Variants in DIPK1A observed in about 807,000 individuals in gnomAD.
DIPK1A encodes the protein family with sequence similarity 69 member A.
A neutral mutation model predicts 40.8 loss-of-function variants in DIPK1A; 27 were observed. The observed-to-expected ratio is 0.66, with a 90% CI of 0.49 to 0.91. The LOEUF is 0.91. DIPK1A is among the 40% of genes least tolerant of loss of function. DIPK1A has a pLI of 0.00. For missense variants in DIPK1A, 412 were observed against 505.7 expected (o/e 0.81, Z 1.78); for synonymous variants, 166 against 171.3 (o/e 0.97, Z 0.24).
At chr1:92,917,771 C>T (rs1650110947) in intron 1 of DIPK1A, among the ~76,000 whole-genome samples, 1 of 152,088 alleles carries the variant, frequency 6.6e-6, no homozygotes. Context: ...ACTAGTGGAG[C>T]AAGGAGAAGG....
At chr1:92,897,990 T>G (rs997344709) in intron 1 of DIPK1A, among the ~76,000 whole-genome samples, 9 of 152,068 alleles carry the variant, frequency 5.9e-5, no homozygotes, top group Admixed American at 1.3e-4. Flanking sequence ...TCTCAGCTAC[T>G]TGGGAGGCTG....
At chr1:92,884,465 C>CAA (rs112400053) in intron 1 of DIPK1A, among the ~76,000 whole-genome samples, 81 of 148,324 alleles carry the variant, frequency 5.5e-4, no homozygotes, top group African/African-American at 1.9e-3. Flanking sequence ...AACAAACAAA[C>CAA]AAAAAAAAAC....
intron 1 of DIPK1A, among the ~76,000 whole-genome samples, chr1:92,946,693 C>T (rs780245137): frequency 6.6e-6 from 1 of 152,116 alleles, no homozygotes; most frequent in Non-Finnish European, 1.5e-5. Context: ...CCTGTAGTCC[C>T]AGTACTTTGG....
Position 92,938,994 on chromosome 1 carries a change from G to A in DIPK1A, c.54+22382C>T, listed in dbSNP as rs527246762. 5.3e-5 allele frequency among the ~76,000 whole-genome samples: 8 copies of A among 151,962 alleles called. 1 individual carries two copies. In the South Asian group the frequency reaches 1.2e-3, roughly 24 times the overall value. ...CGGCTCACTGCAACCTCTGCATCTC[G>A]GATTTAAGTGATTCTCCTGCCTCAG... On this transcript the variant is annotated intron_variant, in intron 1 of 4. Coordinates refer to ENST00000370310, the MANE Select transcript of DIPK1A (RefSeq NM_001006605.5).
At chr1:92,961,345 G>T in intron 1 of DIPK1A, 31 bp downstream of exon 1, 1 of 1,480,618 alleles carries the variant, frequency 6.8e-7, no homozygotes. Context: ...GGGTGCTCCC[G>T]CAGCTGGTGG....
chr1:92,892,441 C>G (rs1444173516), intron 1 of DIPK1A, among the ~76,000 whole-genome samples: 1 of 152,072 alleles, frequency 6.6e-6, no homozygotes, highest in Non-Finnish European at 1.5e-5. Context: ...GCTGAGGGTC[C>G]TAACTGTTAG....
chr1:92,837,269 C>T (rs766641929), downstream of DIPK1A: 4 of 770,324 alleles, frequency 5.2e-6, no homozygotes, highest in Middle Eastern at 2.3e-4. Flanking sequence ...CTTTTCTGTC[C>T]TGGAATTCAG....
intron 1 of DIPK1A, among the ~76,000 whole-genome samples, chr1:92,883,080 C>G (rs569485755): frequency 6.6e-6 from 1 of 152,284 alleles, no homozygotes; most frequent in Admixed American, 6.5e-5. Flanking sequence ...CTGGCAAAAG[C>G]TGAAGACTAT....
At chr1:92,907,409 T>C (rs1411409514) in intron 1 of DIPK1A, among the ~76,000 whole-genome samples, 2 of 152,096 alleles carry the variant, frequency 1.3e-5, no homozygotes, top group Non-Finnish European at 2.9e-5. Flanking sequence ...TCTAGGAAGA[T>C]GGAAATGTTC....
chr1:92,900,867 C>G (rs1557476931), intron 1 of DIPK1A, among the ~76,000 whole-genome samples: 1 of 151,950 alleles, frequency 6.6e-6, no homozygotes, highest in Non-Finnish European at 1.5e-5. Context: ...CTTCAGCTTT[C>G]CTTGCTTTTT....
At chr1:92,927,190 G>A (rs915829926) in intron 1 of DIPK1A, among the ~76,000 whole-genome samples, 1 of 151,920 alleles carries the variant, frequency 6.6e-6, no homozygotes, top group South Asian at 2.1e-4. Flanking sequence ...TTTTGTTGTT[G>A]TTGTTGTTTT....
intron 1 of DIPK1A, among the ~76,000 whole-genome samples, chr1:92,934,867 A>G (rs1470477370): frequency 6.6e-6 from 1 of 152,168 alleles, no homozygotes; most frequent in African/African-American, 2.4e-5. Flanking sequence ...ATGGACAACA[A>G]TGGAAGTTCT....
downstream of DIPK1A, among the ~76,000 whole-genome samples, chr1:92,838,111 C>A (rs1687197746): frequency 6.6e-6 from 1 of 152,180 alleles, no homozygotes. Context: ...CAGATGAGAG[C>A]CATTCCTGAC....
At chr1:92,945,307 A>T (rs1651318104) in intron 1 of DIPK1A, among the ~76,000 whole-genome samples, 1 of 152,190 alleles carries the variant, frequency 6.6e-6, no homozygotes, top group Admixed American at 6.5e-5. Flanking sequence ...AAAAGGAAGG[A>T]AAAAAGACAA....
intron 2 of DIPK1A, among the ~76,000 whole-genome samples, chr1:92,870,151 A>G (rs1280225969): frequency 6.6e-6 from 1 of 152,074 alleles, no homozygotes; most frequent in Non-Finnish European, 1.5e-5. Flanking sequence ...AAGAATTTGC[A>G]TATTTGCATA....
rs1157142089 is a variant in DIPK1A, at chr1:92,959,903, C to CTTTTTTTTTTTTT, written c.54+1460_54+1472dup. On this transcript the variant is annotated intron_variant, in intron 1 of 4. Coordinates refer to ENST00000370310, the MANE Select transcript of DIPK1A (RefSeq NM_001006605.5). ...GCTGGGACCACAGGCACCCAACCAA[C>CTTTTTTTTTTTTT]TTTTTTTTTTTTTTTTTTTTTTTTG... is the stretch of plus-strand genomic sequence containing the variant. 4.3e-3 allele frequency among the ~76,000 whole-genome samples: 208 copies of CTTTTTTTTTTTTT among 47,856 alleles called. 14 individuals carry two copies. Among genetic ancestry groups the CTTTTTTTTTTTTT allele is most frequent in the African/African-American group, 0.015 (136 of 9,066 alleles). The allele number at this position is 47,856 out of a possible 152,430, so 31.4% of individuals were successfully genotyped here.
intron 2 of DIPK1A, among the ~76,000 whole-genome samples, chr1:92,867,212 A>G (rs1055206106): frequency 7.5e-6 from 1 of 133,638 alleles, no homozygotes; most frequent in African/African-American, 2.8e-5. Flanking sequence ...TTTTACTCCA[A>G]TTCTTTTTTT....
In DIPK1A at chr1:92,834,077, CAG is replaced by C. The variant is rs1687022229; in HGVS notation, c.475-1045_475-1044del. The C allele has an allele frequency of 6.6e-5, 17 of 257,326 alleles. No homozygotes were observed. The South Asian group carries it at 8.0e-4, about 12-fold the overall frequency. The allele number at this position is 257,326 out of a possible 1,614,324, so 15.9% of individuals were successfully genotyped here. Reference sequence around the variant, plus strand: ...ACACCCAGCCCTCCAACCTAGGTGACAGAGCAAGACACTGAAACCTAGTTTAT... The same window carrying C: ...ACACCCAGCCCTCCAACCTAGGTGACAGCAAGACACTGAAACCTAGTTTAT... On this transcript the variant is annotated intron_variant, in intron 4 of 4. Transcript: ENST00000615519.
chr1:92,957,592 T>C (rs1333226883), intron 1 of DIPK1A, among the ~76,000 whole-genome samples: 1 of 152,182 alleles, frequency 6.6e-6, no homozygotes, highest in African/African-American at 2.4e-5. Context: ...ACTAACAGTG[T>C]GCCTGCCCAG....
Sources: gnomAD v4.1 joint callset for allele counts (sites outside exome capture counted in the v4.1 genomes callset) on GRCh38, gnomAD v4.1.1 for gene constraint, MANE v1.5 for transcripts, NCBI Gene and HGNC (gene_info 2026-07-23, HGNC 2026-07-21) for gene names.